LY9: variants seen among roughly 807,000 people sequenced by gnomAD.
LY9 encodes T-lymphocyte surface antigen Ly-9.
LY9 carries 59 observed loss-of-function variants against 64.6 expected under a neutral mutation model. That is an observed-to-expected ratio of 0.91 (90% CI 0.74 to 1.13). LY9 has a LOEUF of 1.13. LY9 is among the 50% of genes most tolerant of loss of function. The pLI is 0.00. For synonymous variants in LY9, 281 were observed against 308.5 expected, an observed-to-expected ratio of 0.91 and a Z score of 0.93; for missense variants, 789 against 797.2, an observed-to-expected ratio of 0.99 and a Z score of 0.12.
chr1:160,801,904 T>A, intron 2 of LY9: 5 of 1,613,608 alleles, frequency 3.1e-6, no homozygotes, highest in Non-Finnish European at 4.2e-6. Flanking sequence ...CGTGTGAGCG[T>A]GCGGGAGGGC....
chr1:160,818,112 C>A, intron 5 of LY9, 106 bp from the exon 6 acceptor site: 2 of 736,390 alleles, frequency 2.7e-6, no homozygotes, highest in Non-Finnish European at 4.7e-6. Flanking sequence ...TCCACAACGT[C>A]ATGGATTTTA....
chr1:160,807,968 G>C (rs531352652), intron 2 of LY9, among the ~76,000 whole-genome samples: 1 of 152,314 alleles, frequency 6.6e-6, no homozygotes, highest in Admixed American at 6.5e-5. Flanking sequence ...TCAGGCCCCA[G>C]GCAGAGTGCT....
At chr1:160,823,863 G>A in intron 8 of LY9, 67 bp downstream of exon 8, 1 of 1,309,728 alleles carries the variant, frequency 7.6e-7, no homozygotes, top group Non-Finnish European at 1.1e-6. Context: ...GATCCTGGAT[G>A]ACTAGTTCCT....
At chr1:160,802,001 T>C in intron 2 of LY9, 1 of 1,546,280 alleles carries the variant, frequency 6.5e-7, no homozygotes, top group Non-Finnish European at 8.7e-7. Context: ...GTCCTGCCGA[T>C]GGGACCCTGC....
intron 2 of LY9, among the ~76,000 whole-genome samples, chr1:160,805,322 T>C (rs912141158): frequency 6.6e-6 from 1 of 152,048 alleles, no homozygotes; most frequent in Non-Finnish European, 1.5e-5. Flanking sequence ...TTTCAAGAAC[T>C]TTTTTTAAAT....
chr1:160,817,910 T>A (rs1222959669), intron 5 of LY9, among the ~76,000 whole-genome samples: 1 of 152,072 alleles, frequency 6.6e-6, no homozygotes, highest in African/African-American at 2.4e-5. Flanking sequence ...AGCGGGGCAG[T>A]GTAATGTGGC....
chr1:160,803,972 T>A (rs1666742456), intron 2 of LY9, among the ~76,000 whole-genome samples: 1 of 152,166 alleles, frequency 6.6e-6, no homozygotes, highest in Non-Finnish European at 1.5e-5. Flanking sequence ...ACTATACCAC[T>A]GCACTACAGC....
intron 4 of LY9, chr1:160,815,447 C>G (rs1006097828): frequency 6.6e-6 from 1 of 152,278 alleles, no homozygotes; most frequent in Non-Finnish European, 1.5e-5. Context: ...AGTACAGTGG[C>G]ACGATCTCAG....
intron 2 of LY9, chr1:160,801,693 A>G (rs975173026): frequency 2.2e-6 from 2 of 914,928 alleles, no homozygotes; most frequent in African/African-American, 1.6e-5. Context: ...CAGGTCTTAC[A>G]TTCAAGTCTT....
intron 9 of LY9, 132 bp from the exon 10 acceptor site, chr1:160,827,616 C>T: frequency 1.6e-6 from 1 of 625,482 alleles, no homozygotes; most frequent in Non-Finnish European, 2.7e-6. Context: ...TTGCGCCATC[C>T]CTGGGCCAGC....
In LY9 at chr1:160,813,608, GCATCTTCC is replaced by G. The variant is rs752069009; in HGVS notation, c.455-24_455-17del. The G allele has an allele frequency of 1.6e-5, 26 of 1,600,740 alleles. No homozygotes were observed. The Middle Eastern group carries it at 5.0e-4, about 31-fold the overall frequency. ...CTTTCCTGCTGGCAAAAGGATCTGA[GCATCTTCC>G]CATGCTGTTGTCCCTGCAGAGCAGC... On this transcript the variant is annotated intron_variant, in intron 2 of 9. Transcript: ENST00000263285.
In LY9 at chr1:160,823,662, G is replaced by T. The variant is rs1287470146; in HGVS notation, c.1696G>T (p.Val566Phe). ...ISGRYEVFDQ[V>F]TQEGAGHDPA... ...TGGAAGATATGAGGTATTTGACCAG[G>T]TCACTCAGGAGGGCGCTGGACATGA... The change falls in exon 8 of 10, where the codon GTC becomes TTC. Residue 566 changes from valine (V) to phenylalanine (F), a missense_variant. Transcript: ENST00000263285. 7 of 1,614,082 alleles carry T rather than the reference G, an allele frequency of 4.3e-6. No homozygotes were observed. Among genetic ancestry groups the T allele is most frequent in the Non-Finnish European group, 5.1e-6 (6 of 1,179,984 alleles).
At chr1:160,805,919 CTTT>C (rs60244350) in intron 2 of LY9, among the ~76,000 whole-genome samples, 22 of 72,438 alleles carry the variant, frequency 3.0e-4, no homozygotes, top group African/African-American at 9.0e-4. Flanking sequence ...CATTCTTTGT[CTTT>C]TTTTTTTTTT....
At chr1:160,802,181 C>T in intron 2 of LY9, 6 of 1,239,418 alleles carry the variant, frequency 4.8e-6, no homozygotes, top group Non-Finnish European at 6.1e-6. Flanking sequence ...CCTTGTGTGC[C>T]AGTGGGGTTT....
chr1:160,822,484 C>T (rs1668546859), intron 7 of LY9, among the ~76,000 whole-genome samples: 1 of 152,150 alleles, frequency 6.6e-6, no homozygotes, highest in African/African-American at 2.4e-5. Context: ...GATGGAGCCG[C>T]CATTTTGAAA....
At chr1:160,823,885 G>A (rs902514386) in intron 8 of LY9, 89 bp downstream of exon 8, 9 of 1,117,538 alleles carry the variant, frequency 8.1e-6, no homozygotes, top group African/African-American at 1.5e-5. Flanking sequence ...CAAACTGGGG[G>A]CTGGGGCCTG....
intron 2 of LY9, among the ~76,000 whole-genome samples, chr1:160,804,184 G>A (rs905247056): frequency 6.6e-6 from 1 of 152,174 alleles, no homozygotes; most frequent in African/African-American, 2.4e-5. Flanking sequence ...CAGAAGAAAG[G>A]CTTTCAGCTT....
At chr1:160,819,005 A>G (rs1446344703) in intron 6 of LY9, among the ~76,000 whole-genome samples, 1 of 152,192 alleles carries the variant, frequency 6.6e-6, no homozygotes, top group African/African-American at 2.4e-5. Context: ...CAGAATGGGT[A>G]GAACACATGG....
intron 2 of LY9, chr1:160,802,796 G>A (rs1406175394): frequency 4.9e-6 from 2 of 410,160 alleles, no homozygotes; most frequent in Non-Finnish European, 3.3e-6. Context: ...ATAAACCTGT[G>A]GCTTTATTTC....
Sources: allele counts gnomAD v4.1 joint callset (sites outside exome capture counted in the v4.1 genomes callset), GRCh38; gene constraint gnomAD v4.1.1; transcripts MANE v1.5; gene names NCBI Gene and HGNC (gene_info 2026-07-23, HGNC 2026-07-21).